Variants in SH2B3 observed in about 807,000 individuals in gnomAD.
The protein encoded by SH2B3 is SH2B adapter protein 3.
Under a neutral mutation model 51.9 loss-of-function variants are expected in SH2B3, and 43 were observed. That is an observed-to-expected ratio of 0.83 (90% confidence interval 0.65 to 1.07). The LOEUF (loss-of-function observed/expected upper bound fraction) is 1.07. Ranked by LOEUF, SH2B3 falls within the 50% of genes least tolerant of loss-of-function variation. The pLI, the probability that SH2B3 is intolerant of heterozygous loss-of-function variation, is 0.00. For synonymous variants in SH2B3, 396 were observed against 376.0 expected, an observed-to-expected ratio of 1.05 and a Z score of -0.62; for missense variants, 952 against 834.3, an observed-to-expected ratio of 1.14 and a Z score of -1.74.
At chr12:111,437,283 TTC>T (rs913293374) in intron 2 of SH2B3, among the ~76,000 whole-genome samples, 2 of 152,110 alleles carry the variant, frequency 1.3e-5, no homozygotes, top group African/African-American at 4.8e-5. Flanking sequence ...CTGGGGAGGT[TTC>T]TGTTTCTGGC....
chr12:111,442,423 C>CAT (rs1565985982), intron 2 of SH2B3, among the ~76,000 whole-genome samples: 1 of 151,134 alleles, frequency 6.6e-6, no homozygotes, highest in East Asian at 1.9e-4. Context: ...GTGGCAGAGG[C>CAT]GTGGCTGGTG....
chr12:111,419,732 A>G (rs1432902116), intron 2 of SH2B3, among the ~76,000 whole-genome samples: 1 of 152,192 alleles, frequency 6.6e-6, no homozygotes, highest in African/African-American at 2.4e-5. Context: ...TTCACATCTT[A>G]CGCTGCTGTG....
At chr12:111,420,807 C>A (rs1871486462) in intron 2 of SH2B3, among the ~76,000 whole-genome samples, 3 of 152,160 alleles carry the variant, frequency 2.0e-5, no homozygotes, top group African/African-American at 7.2e-5. Context: ...AAACTGTGTT[C>A]TAAAGGAAAA....
rs1318762707 is a variant in SH2B3, at chr12:111,449,484, T to C, written c.*1182T>C. ...TCTAGCTGGCTACTGCTTCACTGGA[T>C]TGAGAATCTATCTATCTCCTTGCAC... is the stretch of plus-strand genomic sequence containing the variant. On this transcript the variant is annotated 3_prime_UTR_variant, in exon 8 of 8. Coordinates refer to ENST00000341259, the MANE Select transcript of SH2B3 (RefSeq NM_005475.3). 1 of 152,234 alleles carries C rather than the reference T, an allele frequency of 6.6e-6. No homozygotes were observed. Among genetic ancestry groups the C allele is most frequent in the Non-Finnish European group, 1.5e-5 (1 of 68,060 alleles). The allele number at this position is 152,234 out of a possible 1,614,324, so 9.4% of individuals were successfully genotyped here.
chr12:111,448,079 GTTC>G lies in SH2B3; in HGVS notation c.1510_1512del (p.Ser504del). 6.2e-7 allele frequency: 1 copy of G among 1,614,036 alleles called. No homozygotes were observed. Among genetic ancestry groups the G allele is most frequent in the Non-Finnish European group, 8.5e-7 (1 of 1,179,994 alleles). ...TCAGAGTTGGGCCTTCCCCACCTTA[GTTC>G]TTCTGGCTGTCCCCGGGGGCTCAGC... On this transcript the variant is annotated inframe_deletion, in exon 8 of 8. Coordinates refer to ENST00000341259, the MANE Select transcript of SH2B3 (RefSeq NM_005475.3).
chr12:111,447,695 G>A lies in SH2B3; in HGVS notation c.1276G>A (p.Val426Met), dbSNP rs765012848. 3.1e-6 allele frequency: 5 copies of A among 1,613,650 alleles called. No individual in the cohort carries two copies. Among genetic ancestry groups the A allele is most frequent in the Non-Finnish European group, 4.2e-6 (5 of 1,179,912 alleles). Residue 426 changes from valine to methionine, a missense_variant, in exon 7 of 8, where the codon GTG (valine) becomes ATG (methionine). Val to Met is a conservative substitution (Grantham distance 21). Coordinates refer to ENST00000341259, the MANE Select transcript of SH2B3 (RefSeq NM_005475.3). ...GCTGACAGAGCGGGGCCAGTGCCGT[G>A]TGCAGCACCTCCACTTTCCCTCGGT... ...LSLTERGQCR[V>M]QHLHFPSVVD...
rs901064907 is a variant in SH2B3 at position 111,435,041 on chromosome 12, A to T, written c.733-11712A>T. The stretch of plus-strand genomic sequence containing the variant: ...CGTTCTTCGAAGGCAGGCAGTAGCT[A>T]CCGTTGTCTGGGGCTTTGGGGATCT... On this transcript the variant is annotated intron_variant, in intron 2 of 7. Coordinates refer to ENST00000341259, the MANE Select transcript of SH2B3 (RefSeq NM_005475.3). The surrounding 1 kb of genome is among the most constrained non-coding windows in gnomAD (Gnocchi z 4.8). 1 of 1,529,494 alleles carries T rather than the reference A, an allele frequency of 6.5e-7. No individual in the cohort carries two copies. Among genetic ancestry groups the T allele is most frequent in the Non-Finnish European group, 8.8e-7 (1 of 1,142,258 alleles). The allele number at this position is 1,529,494 out of a possible 1,614,324, so 94.7% of individuals were successfully genotyped here.
chr12:111,420,635 G>A (rs543854188), intron 2 of SH2B3, among the ~76,000 whole-genome samples: 1 of 152,268 alleles, frequency 6.6e-6, no homozygotes, highest in African/African-American at 2.4e-5. Flanking sequence ...GAAACCTATG[G>A]TTACTCTTTC....
At chr12:111,420,937 A>G (rs972425049) in intron 2 of SH2B3, among the ~76,000 whole-genome samples, 9 of 152,176 alleles carry the variant, frequency 5.9e-5, no homozygotes, top group Admixed American at 5.9e-4. Flanking sequence ...CAGACCTGGA[A>G]GTGCGTGAAG....
At chr12:111,443,084 AAG>A (rs1435119911) in intron 2 of SH2B3, among the ~76,000 whole-genome samples, 2 of 152,276 alleles carry the variant, frequency 1.3e-5, no homozygotes, top group Non-Finnish European at 2.9e-5. Flanking sequence ...AGTAGGTAGC[AAG>A]ACAGTTTCCA....
In SH2B3 at chr12:111,438,649, G is replaced by A. The variant is rs114309211; in HGVS notation, c.733-8104G>A. ...CACCACGTGAGCAAAGCCAAGTCAC[G>A]GCAGAGACCTGCATCAAGGAATGCG... On this transcript the variant is annotated intron_variant, in intron 2 of 7. Transcript: ENST00000341259. This position sits in a 1 kb window ranked among gnomAD's most constrained non-coding sequence, Gnocchi z 4.2. Among the ~76,000 whole-genome samples the A allele has an allele frequency of 7.9e-5, 12 of 152,300 alleles. No homozygotes were observed. Among genetic ancestry groups the A allele is most frequent in the African/African-American group, 2.6e-4 (11 of 41,564 alleles).
chr12:111,408,468 T>C (rs933177305), intron 1 of SH2B3, among the ~76,000 whole-genome samples: 11 of 151,596 alleles, frequency 7.3e-5, no homozygotes, highest in African/African-American at 2.7e-4. Flanking sequence ...ATAGAACTTT[T>C]GAGTACAAAT....
rs1476217362 is a variant in SH2B3 at position 111,435,125 on chromosome 12, A to G, written c.733-11628A>G. The stretch of plus-strand genomic sequence containing the variant: ...TCTCCCCACCCGAGACGGGCGACAG[A>G]GGTTTTTTGTTGTTTCTTAACCACA... On this transcript the variant is annotated intron_variant, in intron 2 of 7. Transcript: ENST00000341259. The surrounding 1 kb of genome is among the most constrained non-coding windows in gnomAD (Gnocchi z 4.8). 1.6e-5 allele frequency: 16 copies of G among 993,744 alleles called. No homozygotes were observed. Among genetic ancestry groups the G allele is most frequent in the Non-Finnish European group, 2.3e-5 (16 of 682,688 alleles). 61.6% of individuals were successfully genotyped at this position (993,744 alleles called of 1,614,324 possible).
In SH2B3 at chr12:111,446,965, C is replaced by A. The variant is rs769780897; in HGVS notation, c.858C>A (p.Ile286=). The A allele has an allele frequency of 1.1e-5, 17 of 1,613,984 alleles. No individual in the cohort carries two copies. The highest frequency in any genetic ancestry group is 1.6e-4 in the Middle Eastern group (1 of 6,084). Residue 286 remains isoleucine, a synonymous_variant, in exon 4 of 8, where the codon ATC becomes ATA. Coordinates refer to ENST00000341259, the MANE Select transcript of SH2B3 (RefSeq NM_005475.3). ...AGGTGAAGGACCGGACAGACATCAT[C>A]TTTGAGGTGGGAGACGAGCAGCAGC... The part of the protein sequence containing the change: ...VLKVKDRTDI[I]FEVGDEQQLN...
At chr12:111,404,959 G>C (rs572842874), upstream of SH2B3, among the ~76,000 whole-genome samples, 119 of 152,320 alleles carry the variant, frequency 7.8e-4, no homozygotes, top group Middle Eastern at 0.037. Context: ...CTCCAAGCTG[G>C]GGGCGTGGGC....
At chr12:111,405,852 C>G (rs1870195531), upstream of SH2B3, 1 of 151,762 alleles carries the variant, frequency 6.6e-6, no homozygotes, top group Non-Finnish European at 1.5e-5. The surrounding 1 kb of genome is among the most constrained non-coding windows in gnomAD (Gnocchi z 5.4). Flanking sequence ...CCTGGTGGCC[C>G]CGCCCCTGCC....
chr12:111,410,222 AG>A lies in SH2B3; in HGVS notation c.-28+3949del, dbSNP rs1870587332. On this transcript the variant is annotated intron_variant, in intron 1 of 7. Transcript: ENST00000341259. The surrounding 1 kb of genome is among the most constrained non-coding windows in gnomAD (Gnocchi z 4.9). ...GATCAATCAGGGAGGTGGACACACAAGGGGACCTCTGACATGGGATCTGCCC... is the reference window on the plus strand; with the variant it reads ...GATCAATCAGGGAGGTGGACACACAAGGGACCTCTGACATGGGATCTGCCC... 2.0e-5 allele frequency among the ~76,000 whole-genome samples: 3 copies of A among 152,180 alleles called. No individual in the cohort carries two copies.
At chr12:111,426,677 G>A (rs1055250067) in intron 2 of SH2B3, among the ~76,000 whole-genome samples, 8 of 152,090 alleles carry the variant, frequency 5.3e-5, no homozygotes, top group African/African-American at 1.9e-4. Context: ...ACCTTTCTTT[G>A]GGGTGTTGTT....
chr12:111,408,783 G>T (rs1870447493), intron 1 of SH2B3, among the ~76,000 whole-genome samples: 1 of 152,184 alleles, frequency 6.6e-6, no homozygotes, highest in African/African-American at 2.4e-5. Flanking sequence ...CCTTCTGAGG[G>T]CTGGTGTTCA....
Sources: allele counts gnomAD v4.1 joint callset (sites outside exome capture counted in the v4.1 genomes callset), GRCh38; gene constraint gnomAD v4.1.1; non-coding constraint Gnocchi (gnomAD v3.1); transcripts MANE v1.5; gene names NCBI Gene and HGNC (gene_info 2026-07-23, HGNC 2026-07-21).